Variants in CEP83 observed in about 807,000 individuals in gnomAD.
CEP83 encodes centrosomal protein of 83 kDa.
Under a neutral mutation model 101.9 loss-of-function variants are expected in CEP83, and 70 were observed. The ratio of observed to expected loss-of-function variants is 0.69; its 90% CI spans 0.57 to 0.84. The LOEUF (loss-of-function observed/expected upper bound fraction) is 0.84. Ranked by LOEUF, CEP83 falls within the 40% of genes least tolerant of loss-of-function variation. The pLI is 0.00. For missense variants in CEP83, 715 were observed against 787.2 expected, an observed-to-expected ratio of 0.91 and a Z score of 1.10; for synonymous variants, 264 against 267.9, an observed-to-expected ratio of 0.99 and a Z score of 0.14.
intron 6 of CEP83, among the ~76,000 whole-genome samples, chr12:94,388,172 C>G (rs1440865476): frequency 3.9e-5 from 6 of 152,202 alleles, no homozygotes. Context: ...AACATGGAAT[C>G]AACCTGGGTT....
the CEP83 span, among the ~76,000 whole-genome samples, chr12:94,295,190 T>TCA: frequency 6.6e-6 from 1 of 152,212 alleles, no homozygotes; most frequent in Non-Finnish European, 1.5e-5. Flanking sequence ...CAGGCTCCTT[T>TCA]CACACACACA....
At chr12:94,301,546 T>TC (rs1968467276), downstream of CEP83, among the ~76,000 whole-genome samples, 1 of 152,200 alleles carries the variant, frequency 6.6e-6, no homozygotes, top group Admixed American at 6.5e-5. Flanking sequence ...TCTTTGCTGA[T>TC]CAATAGTCCC....
chr12:94,382,217 TGA>T (rs1189702409), intron 6 of CEP83, among the ~76,000 whole-genome samples: 1 of 152,010 alleles, frequency 6.6e-6, no homozygotes, highest in Non-Finnish European at 1.5e-5. Flanking sequence ...CTTTCATTCC[TGA>T]GATAGGTAAA....
intron 2 of CEP83, among the ~76,000 whole-genome samples, chr12:94,414,966 T>C (rs796677842): frequency 1.3e-5 from 2 of 152,104 alleles, no homozygotes; most frequent in African/African-American, 2.4e-5. Flanking sequence ...AGTTAATACA[T>C]AGAATTCTGT....
chr12:94,444,597 AC>A (rs11333342), intron 1 of CEP83, among the ~76,000 whole-genome samples: 10,612 of 152,294 alleles, frequency 0.07, 460 homozygotes, highest in Non-Finnish European at 0.093. Context: ...GTAAATGTTT[AC>A]TGAGTGCATC....
rs773225828 is a variant in CEP83 at position 94,400,931 on chromosome 12, T to C, written c.468A>G (p.Thr156=). The C allele has an allele frequency of 3.3e-6, 5 of 1,513,318 alleles. No individual in the cohort carries two copies. The East Asian group carries it at 9.8e-5, about 30-fold the overall frequency. 93.7% of individuals were successfully genotyped at this position (1,513,318 alleles called of 1,614,324 possible). A position where few individuals can be genotyped will look rare whatever the true frequency, so the allele number is the denominator to read the frequency against. The change falls in exon 6 of 17, where the codon ACA becomes ACG. Residue 156 remains threonine (T), a synonymous_variant. Coordinates refer to ENST00000397809, the MANE Select transcript of CEP83 (RefSeq NM_016122.3). ...AVYNKLRYEH[T]FLKSEFEHQK... The stretch of plus-strand genomic sequence containing the variant: ...GGTGTTCAAATTCTGACTTGAGAAA[T>C]GTATGTTCATAGCGAAGCTTATTAT...
At chr12:94,353,920 A>C (rs2060319544) in intron 11 of CEP83, among the ~76,000 whole-genome samples, 1 of 152,140 alleles carries the variant, frequency 6.6e-6, no homozygotes, top group Non-Finnish European at 1.5e-5. Context: ...GGAAAAAAAA[A>C]CCCAATTCAG....
chr12:94,269,082 G>C, the CEP83 span, among the ~76,000 whole-genome samples: 13 of 152,302 alleles, frequency 8.5e-5, no homozygotes, highest in Middle Eastern at 3.4e-3. Context: ...CTTTCAGGAA[G>C]AGATGAGAAA....
intron 6 of CEP83, among the ~76,000 whole-genome samples, chr12:94,380,071 C>CAAAAAAAAAAAAAAA (rs11362391): frequency 7.2e-5 from 6 of 83,188 alleles, no homozygotes; most frequent in African/African-American, 1.4e-4. Context: ...CCCGGCCCTG[C>CAAAAAAAAAAAAAAA]AAAAAAAAAA....
intron 6 of CEP83, among the ~76,000 whole-genome samples, chr12:94,398,567 C>T (rs1405196475): frequency 6.6e-6 from 1 of 152,074 alleles, no homozygotes; most frequent in African/African-American, 2.4e-5. Flanking sequence ...GTTAACTGTA[C>T]AAATTTGATT....
At chr12:94,270,899 G>C in the CEP83 span, among the ~76,000 whole-genome samples, 1 of 152,140 alleles carries the variant, frequency 6.6e-6, no homozygotes, top group Admixed American at 6.6e-5. Context: ...AAGGGGAGCA[G>C]AGTGAAGAGG....
At chr12:94,396,280 CTTTTTTTTTTTTT>C (rs776434390) in intron 6 of CEP83, among the ~76,000 whole-genome samples, 1 of 90,948 alleles carries the variant, frequency 1.1e-5, no homozygotes. Context: ...AAAAGCATGA[CTTTTTTTTTTTTT>C]TTTTTTTTTT....
At chr12:94,401,641 A>T (rs1157530623) in intron 5 of CEP83, among the ~76,000 whole-genome samples, 1 of 152,196 alleles carries the variant, frequency 6.6e-6, no homozygotes, top group Non-Finnish European at 1.5e-5. Flanking sequence ...ATTCGATAAC[A>T]AGGAAAGCAT....
chr12:94,440,764 A>G (rs1313090776), intron 1 of CEP83, among the ~76,000 whole-genome samples: 1 of 152,194 alleles, frequency 6.6e-6, no homozygotes, highest in Non-Finnish European at 1.5e-5. Flanking sequence ...GAGGTATCAC[A>G]TTACCCAACT....
intron 6 of CEP83, among the ~76,000 whole-genome samples, chr12:94,384,578 T>C (rs987580771): frequency 6.6e-6 from 1 of 152,148 alleles, no homozygotes; most frequent in African/African-American, 2.4e-5. Flanking sequence ...ATCTGTTTAT[T>C]TGCTTTTTAA....
At chr12:94,338,085 A>T (rs2059526712) in intron 11 of CEP83, among the ~76,000 whole-genome samples, 2 of 152,322 alleles carry the variant, frequency 1.3e-5, no homozygotes, top group South Asian at 4.1e-4. Flanking sequence ...AAAGATATTT[A>T]TGTCTTTGAA....
chr12:94,365,791 C>G (rs925428390), intron 11 of CEP83, among the ~76,000 whole-genome samples: 1 of 135,690 alleles, frequency 7.4e-6, no homozygotes, highest in African/African-American at 2.7e-5. Flanking sequence ...AAAAAAAAGA[C>G]AAAATATTGG....
chr12:94,351,605 G>A (rs1209537938), intron 11 of CEP83, among the ~76,000 whole-genome samples: 1 of 152,186 alleles, frequency 6.6e-6, no homozygotes, highest in Admixed American at 6.5e-5. Flanking sequence ...TAGCACAGCA[G>A]GGAGGCCACC....
upstream of CEP83, chr12:94,460,203 GGAGTCT>G (rs1355178121): frequency 3.3e-5 from 5 of 152,420 alleles, no homozygotes; most frequent in African/African-American, 4.8e-5. Flanking sequence ...CACTTGCCTT[GGAGTCT>G]GAGTGATGCG....
Sources: allele counts gnomAD v4.1 joint callset (sites outside exome capture counted in the v4.1 genomes callset), GRCh38; gene constraint gnomAD v4.1.1; transcripts MANE v1.5; gene names NCBI Gene and HGNC (gene_info 2026-07-23, HGNC 2026-07-21).